The following JAZF1 variants were observed in gnomAD, a reference collection of about 807,000 sequenced individuals.
The protein encoded by JAZF1 is juxtaposed with another zinc finger protein 1.
In JAZF1, 8 loss-of-function variants were observed where a neutral mutation model predicts 26.4. The observed-to-expected ratio is 0.30, with a 90% CI of 0.18 to 0.55. JAZF1 has a LOEUF of 0.55. Ranked by LOEUF, JAZF1 falls within the 20% of genes least tolerant of loss-of-function variation. The probability of loss-of-function intolerance (pLI) is 0.94; values close to 1 mark genes in which losing one functional copy is unlikely to be tolerated. For synonymous variants in JAZF1, 126 were observed against 122.3 expected (o/e 1.03, Z -0.20); for missense variants, 199 against 322.0 (o/e 0.62, Z 2.92).
intron 1 of JAZF1, among the ~76,000 whole-genome samples, chr7:28,169,661 G>C (rs1228868361): frequency 6.6e-6 from 1 of 152,136 alleles, no homozygotes; most frequent in East Asian, 1.9e-4. Flanking sequence ...GGTTTACAAA[G>C]AAACTTCAAA....
intron 1 of JAZF1, among the ~76,000 whole-genome samples, chr7:28,056,987 C>T (rs1783722528): frequency 6.6e-6 from 1 of 152,196 alleles, no homozygotes; most frequent in African/African-American, 2.4e-5. Context: ...TAATTCTATA[C>T]ATTCATTCTG....
rs78008333 is a variant in JAZF1, at chr7:27,996,395, T to C, written c.116-4414A>G. ...ATCCTCCAAACACCAGGTTCTTTTT[T>C]AACTGTGTACAGCAACAGTGGGAGG... On this transcript the variant is annotated intron_variant, in intron 1 of 4. Transcript: ENST00000283928. 5.6e-4 allele frequency among the ~76,000 whole-genome samples: 86 copies of C among 152,310 alleles called. 3 individuals carry two copies. In the East Asian group the frequency reaches 0.016, roughly 29 times the overall value.
At chr7:27,914,889 G>A (rs1784419551) in intron 2 of JAZF1, 1 of 467,752 alleles carries the variant, frequency 2.1e-6, no homozygotes, top group Non-Finnish European at 4.4e-6. Flanking sequence ...TGTGCTCATA[G>A]GACCTAGTTT....
Position 28,044,331 on chromosome 7 carries a change from G to GCAAA in JAZF1, c.116-52354_116-52351dup, listed in dbSNP as rs150554143. 5.2e-3 allele frequency among the ~76,000 whole-genome samples: 798 copies of GCAAA among 152,232 alleles called. 4 individuals are homozygous for GCAAA. The highest frequency in any genetic ancestry group is 0.014 in the Middle Eastern group (4 of 294). ...TGCTATGAACCTTGAACAAAGGCAA[G>GCAAA]CAAAGTCTTCACCTGCAAAATGGGA... On this transcript the variant is annotated intron_variant, in intron 1 of 4. Coordinates refer to ENST00000283928, the MANE Select transcript of JAZF1 (RefSeq NM_175061.4).
At chr7:27,911,055 T>C (rs558673650) in intron 2 of JAZF1, among the ~76,000 whole-genome samples, 5 of 152,306 alleles carry the variant, frequency 3.3e-5, no homozygotes, top group Non-Finnish European at 5.9e-5. Context: ...ACTCTTATAT[T>C]AACCATGATG....
At chr7:27,992,711 T>C (rs78470745) in intron 1 of JAZF1, among the ~76,000 whole-genome samples, 4,093 of 152,276 alleles carry the variant, frequency 0.027, 213 homozygotes, top group African/African-American at 0.093. Context: ...TATAAATATA[T>C]GTATAAACAA....
chr7:28,116,692 C>T (rs533797620), intron 1 of JAZF1, among the ~76,000 whole-genome samples: 1 of 152,324 alleles, frequency 6.6e-6, no homozygotes, highest in Admixed American at 6.5e-5. Context: ...TCGTGATCCA[C>T]CTGCCTCAGT....
intron 1 of JAZF1, among the ~76,000 whole-genome samples, chr7:28,139,757 ATAAT>A (rs1481841220): frequency 6.6e-6 from 1 of 152,198 alleles, no homozygotes; most frequent in Non-Finnish European, 1.5e-5. Context: ...CCTACACTCA[ATAAT>A]TCGTTCATTT....
At chr7:27,918,407 C>T (rs1342124187) in intron 2 of JAZF1, among the ~76,000 whole-genome samples, 2 of 152,182 alleles carry the variant, frequency 1.3e-5, no homozygotes, top group African/African-American at 2.4e-5. Context: ...AGGTTTAGCA[C>T]TTATTTTATA....
intron 1 of JAZF1, among the ~76,000 whole-genome samples, chr7:28,131,258 T>C (rs1782788693): frequency 6.6e-6 from 1 of 152,108 alleles, no homozygotes; most frequent in South Asian, 2.1e-4. Flanking sequence ...TGCATGTCAG[T>C]GATTTATATA....
At chr7:28,172,552 T>C (rs1036434248) in intron 1 of JAZF1, among the ~76,000 whole-genome samples, 18 of 152,228 alleles carry the variant, frequency 1.2e-4, no homozygotes, top group African/African-American at 3.9e-4. Context: ...ATTTGTATTA[T>C]TGAGTATATT....
chr7:28,103,388 T>C (rs1298627812), intron 1 of JAZF1, among the ~76,000 whole-genome samples: 3 of 151,988 alleles, frequency 2.0e-5, no homozygotes, highest in African/African-American at 7.3e-5. Flanking sequence ...GAGGCTGTAG[T>C]GTACTATGAT....
chr7:28,113,795 A>T (rs1335368137), intron 1 of JAZF1, among the ~76,000 whole-genome samples: 1 of 152,182 alleles, frequency 6.6e-6, no homozygotes, highest in Non-Finnish European at 1.5e-5. Flanking sequence ...AGCTCTCAAA[A>T]TTTTGCTAAA....
At position 27,841,133 on chromosome 7, in the gene JAZF1, G is replaced by A. The variant is rs118138581; in HGVS notation, c.386-266C>T. ...GTTGGCGGAGCAAGAACATTAACTC[G>A]GTTCTATGGCAACCCAGCCTGTGGC... On this transcript the variant is annotated intron_variant, in intron 3 of 4. Transcript: ENST00000283928. 280 of 377,250 alleles carry A rather than the reference G, an allele frequency of 7.4e-4. 6 individuals are homozygous for A. In the East Asian group the frequency reaches 0.012, roughly 16 times the overall value. 23.4% of individuals were successfully genotyped at this position (377,250 alleles called of 1,614,324 possible).
At chr7:27,990,520 T>C (rs1392295015) in intron 2 of JAZF1, among the ~76,000 whole-genome samples, 2 of 152,144 alleles carry the variant, frequency 1.3e-5, no homozygotes, top group Non-Finnish European at 2.9e-5. Context: ...AGGTGAAAAT[T>C]TCATAGATTC....
chr7:27,923,949 G>T (rs1238819363), intron 2 of JAZF1, among the ~76,000 whole-genome samples: 1 of 152,146 alleles, frequency 6.6e-6, no homozygotes, highest in Admixed American at 6.6e-5. Flanking sequence ...GTTGTTTAAC[G>T]TTCACTCACA....
chr7:27,912,888 CCT>C (rs1233213713), intron 2 of JAZF1, among the ~76,000 whole-genome samples: 8 of 152,098 alleles, frequency 5.3e-5, no homozygotes, highest in African/African-American at 1.2e-4. Context: ...CTCCCTTTCC[CCT>C]GTCATCACTC....
chr7:27,915,096 A>T (rs1335717872), intron 2 of JAZF1, among the ~76,000 whole-genome samples: 1 of 152,198 alleles, frequency 6.6e-6, no homozygotes, highest in Non-Finnish European at 1.5e-5. Flanking sequence ...CCTATTAAAA[A>T]AATAATCACC....
At chr7:28,137,683 C>T (rs185036491) in intron 1 of JAZF1, among the ~76,000 whole-genome samples, 7 of 152,216 alleles carry the variant, frequency 4.6e-5, no homozygotes, top group Admixed American at 2.0e-4. Flanking sequence ...CCACAGATGC[C>T]GTTTCTTAAT....
Sources: gnomAD v4.1 joint callset for allele counts (sites outside exome capture counted in the v4.1 genomes callset) on GRCh38, gnomAD v4.1.1 for gene constraint, MANE v1.5 for transcripts, NCBI Gene and HGNC (gene_info 2026-07-23, HGNC 2026-07-21) for gene names.